The following TAP2 variants were observed in gnomAD, a reference collection of about 807,000 sequenced individuals.
TAP2 encodes transporter 2, ATP binding cassette subfamily B member, also known as antigen peptide transporter 2.
TAP2 carries 49 observed loss-of-function variants against 74.7 expected under a neutral mutation model. The ratio of observed to expected loss-of-function variants is 0.66; its 90% confidence interval spans 0.52 to 0.83. The LOEUF is 0.83. Among genes scored for constraint, TAP2 ranks in the 40% least tolerant of loss-of-function variants. The pLI, the probability that TAP2 is intolerant of heterozygous loss-of-function variation, is 0.00. For missense variants in TAP2, 739 were observed against 859.0 expected, an observed-to-expected ratio of 0.86 and a Z score of 1.75; for synonymous variants, 306 against 368.4, an observed-to-expected ratio of 0.83 and a Z score of 1.94.
Position 32,828,821 on chromosome 6 carries a change from G to T in TAP2, c.*85C>A. On this transcript the variant is annotated 3_prime_UTR_variant, in exon 12 of 12. Coordinates refer to ENST00000374897, the MANE Select transcript of TAP2 (RefSeq NM_001290043.2). ...AGGAACAGCTCTGGGTCCTGGAGAC[G>T]CCCCTGAGAAGAGGGCCCAGTATCC... 1 of 1,486,372 alleles carries T rather than the reference G, an allele frequency of 6.7e-7. No homozygotes were observed. The highest frequency in any genetic ancestry group is 9.0e-7 in the Non-Finnish European group (1 of 1,112,592). The allele number at this position is 1,486,372 out of a possible 1,614,324, so 92.1% of individuals were successfully genotyped here.
Position 32,828,963 on chromosome 6 carries a change from G to A in TAP2, c.2004C>T (p.Arg668=), listed in dbSNP as rs761138014. The A allele has an allele frequency of 4.7e-5, 73 of 1,548,426 alleles. No individual in the cohort carries two copies. The highest frequency in any genetic ancestry group is 3.6e-4 in the South Asian group (30 of 83,584). ...VIAHRLQTVQ[R]AHQILVLQEG... is the part of the protein sequence containing the mutation. ...CCTGGAGCACCAGGATCTGGTGGGC[G>A]CGCTGAACTGTCTGCAGCCTGTGAG... The change falls in exon 12 of 12, where the codon CGC becomes CGT. Residue 668 remains arginine, a synonymous_variant. Transcript: ENST00000374897.
rs1768686008 is a variant in TAP2, at chr6:32,826,883, G to A, written c.*2023C>T. ...GAGGGCTGCAGCTTCCATGTAGTTGGGAGATACAGGAATTATTATTCCTGT... is the reference window on the plus strand; with the variant it reads ...GAGGGCTGCAGCTTCCATGTAGTTGAGAGATACAGGAATTATTATTCCTGT... On this transcript the variant is annotated 3_prime_UTR_variant, in exon 12 of 12. Transcript: ENST00000374897. The A allele has an allele frequency of 1.0e-6, 1 of 985,402 alleles. No individual in the cohort carries two copies. Among genetic ancestry groups the A allele is most frequent in the Non-Finnish European group, 1.2e-6 (1 of 829,904 alleles). 61.0% of individuals were successfully genotyped at this position (985,402 alleles called of 1,614,324 possible).
Position 32,828,990 on chromosome 6 carries a change from A to G in TAP2, c.1977T>C (p.Ile659=). 6.4e-7 allele frequency: 1 copy of G among 1,551,212 alleles called. No homozygotes were observed. Among genetic ancestry groups the G allele is most frequent in the Non-Finnish European group, 8.7e-7 (1 of 1,147,772 alleles). ...NSRGDRTVLV[I]AHRLQTVQRA... is the part of the protein sequence containing the mutation. Reference sequence around the variant, plus strand: ...GCTGAACTGTCTGCAGCCTGTGAGCAATCACCAGCACTGTGCGATCCCCAC... The same window carrying G: ...GCTGAACTGTCTGCAGCCTGTGAGCGATCACCAGCACTGTGCGATCCCCAC... The change falls in exon 12 of 12, where the codon ATT becomes ATC. Residue 659 remains isoleucine (I), a synonymous_variant. Transcript: ENST00000374897.
chr6:32,822,206 C>A, downstream of TAP2: 1 of 1,181,292 alleles, frequency 8.5e-7, no homozygotes, highest in East Asian at 2.4e-5. Context: ...TCACCTCATC[C>A]TGAAAAAATA....
In TAP2 at chr6:32,826,820, G is replaced by A; in HGVS notation, c.*2086C>T. 1 of 985,406 alleles carries A rather than the reference G, an allele frequency of 1.0e-6. No homozygotes were observed. The highest frequency in any genetic ancestry group is 1.2e-6 in the Non-Finnish European group (1 of 829,934). 61.0% of individuals were successfully genotyped at this position (985,406 alleles called of 1,614,324 possible). A position where few individuals can be genotyped will look rare whatever the true frequency, so the allele number is the denominator to read the frequency against. On this transcript the variant is annotated 3_prime_UTR_variant, in exon 12 of 12. Coordinates refer to ENST00000374897, the MANE Select transcript of TAP2 (RefSeq NM_001290043.2). The stretch of plus-strand genomic sequence containing the variant: ...TATGATGCATGGGTATAACTGTACT[G>A]AGGAAATCAAAGAATTTCTCAGATC...
Position 32,835,531 on chromosome 6 carries a change from C to A in TAP2, c.739+112G>T. 6.5e-7 allele frequency: 1 copy of A among 1,538,680 alleles called. No homozygotes were observed. Among genetic ancestry groups the A allele is most frequent in the African/African-American group, 1.4e-5 (1 of 73,468 alleles). On this transcript the variant is annotated intron_variant, in intron 4 of 11. Transcript: ENST00000374897. This position sits in a 1 kb window ranked among gnomAD's most constrained non-coding sequence, Gnocchi z 4.0. The stretch of plus-strand genomic sequence containing the variant: ...CACCCTGTCCCAAACAAGAGAAAAG[C>A]ATCCCCAAGTCCTGGCATACGGGTG...
Position 32,837,868 on chromosome 6 carries a change from A to C in TAP2, c.366T>G (p.Pro122=). ...SWSLWAVLSP[P]GAQEKEQDQV... ...GGTCCTGCTCCTTCTCCTGGGCTCC[A>C]GGAGGGCTCAGAACAGCCCACAGTG... Residue 122 remains proline, a synonymous_variant, in exon 2 of 12, where the codon CCT becomes CCG. Transcript: ENST00000374897. 1 of 1,612,578 alleles carries C rather than the reference A, an allele frequency of 6.2e-7. No individual in the cohort carries two copies. The highest frequency in any genetic ancestry group is 8.5e-7 in the Non-Finnish European group (1 of 1,179,802).
chr6:32,832,333 C>G lies in TAP2; in HGVS notation c.1272G>C (p.Gln424His). Reference protein sequence around the residue: ...IYQESVGSYVQTLVYIYGDML... With the variant: ...IYQESVGSYVHTLVYIYGDML... ...AGAGCAGGCTTGGCTTCTCGCTCAC[C>G]TGCACATAGCTCCCCACGCTCTCCT... Residue 424 changes from glutamine (Q) to histidine (H), a missense_variant and splice_region_variant, in exon 7 of 12, where the codon CAG (glutamine) becomes CAC (histidine). By Grantham distance (24) the Gln-to-His change is conservative (BLOSUM62 0). Transcript: ENST00000374897. This position sits in a 1 kb window ranked among gnomAD's most constrained non-coding sequence, Gnocchi z 5.9. 1 of 1,613,038 alleles carries G rather than the reference C, an allele frequency of 6.2e-7. No individual in the cohort carries two copies. Among genetic ancestry groups the G allele is most frequent in the Non-Finnish European group, 8.5e-7 (1 of 1,180,028 alleles).
At chr6:32,836,507 G>A (rs3819716) in intron 3 of TAP2, among the ~76,000 whole-genome samples, 78,884 of 152,014 alleles carry the variant, frequency 0.52, 20,636 homozygotes, top group South Asian at 0.54. Context: ...GAAATGTGTC[G>A]TTAGATGGTT....
chr6:32,829,654 G>A, intron 10 of TAP2, 118 bp from the exon 11 acceptor site: 1 of 1,493,658 alleles, frequency 6.7e-7, no homozygotes, highest in Non-Finnish European at 9.2e-7. Flanking sequence ...AGGGCCCAGT[G>A]CGGGGAGGGC....
At position 32,825,694 on chromosome 6, in the gene TAP2, T is replaced by C. The variant is rs1768601778; in HGVS notation, c.*3212A>G. 6.6e-6 allele frequency: 1 copy of C among 151,304 alleles called. No homozygotes were observed. Among genetic ancestry groups the C allele is most frequent in the African/African-American group, 2.5e-5 (1 of 40,722 alleles). The allele number at this position is 151,304 out of a possible 1,614,324, so 9.4% of individuals were successfully genotyped here. A position where few individuals can be genotyped will look rare whatever the true frequency, so the allele number is the denominator to read the frequency against. On this transcript the variant is annotated 3_prime_UTR_variant, in exon 12 of 12. Coordinates refer to ENST00000374897, the MANE Select transcript of TAP2 (RefSeq NM_001290043.2). ...AAACCACATTCATATATTGCTTATT[T>C]AAATAAATAAATAATATATTTTAAA...
intron 2 of TAP2, 42 bp from the exon 3 acceptor site, chr6:32,837,693 C>A: frequency 2.5e-6 from 4 of 1,613,710 alleles, no homozygotes; most frequent in Non-Finnish European, 3.4e-6. Flanking sequence ...GTGCTGGTGC[C>A]CAGGCCCTTT....
rs534791007 is a variant in TAP2, at chr6:32,826,924, C to T, written c.*1982G>A. On this transcript the variant is annotated 3_prime_UTR_variant, in exon 12 of 12. Coordinates refer to ENST00000374897, the MANE Select transcript of TAP2 (RefSeq NM_001290043.2). Reference sequence around the variant, plus strand: ...TTATTCCTGTTTTATGAATAAAGGACATTTGTGGGAGAGAAAGGAATCAGG... The same window carrying T: ...TTATTCCTGTTTTATGAATAAAGGATATTTGTGGGAGAGAAAGGAATCAGG... 1 of 985,320 alleles carries T rather than the reference C, an allele frequency of 1.0e-6. No individual in the cohort carries two copies. The highest frequency in any genetic ancestry group is 1.1e-4 in the East Asian group (1 of 8,818). The allele number at this position is 985,320 out of a possible 1,614,324, so 61.0% of individuals were successfully genotyped here.
chr6:32,834,109 GC>G (rs1348238592), intron 5 of TAP2, among the ~76,000 whole-genome samples: 2 of 152,136 alleles, frequency 1.3e-5, no homozygotes, highest in African/African-American at 4.8e-5. Flanking sequence ...AAATAGAATT[GC>G]CATATGATCC....
intron 11 of TAP2, 104 bp from the exon 12 acceptor site, chr6:32,829,138 A>G (rs1399485096): frequency 1.3e-5 from 19 of 1,508,288 alleles, no homozygotes; most frequent in Non-Finnish European, 1.7e-5. Context: ...GTGTGAAATA[A>G]AAGAAGGTAG....
intron 5 of TAP2, among the ~76,000 whole-genome samples, chr6:32,834,023 G>A (rs1769256473): frequency 6.6e-6 from 1 of 152,178 alleles, no homozygotes. Context: ...TCTTTCTTTT[G>A]TAAATTGCCC....
chr6:32,828,658 T>C lies in TAP2; in HGVS notation c.*248A>G, dbSNP rs1255626408. ...AAGCTCTAGTCACCAGGGAATTAAG[T>C]TTCCTGGACACAGACAGCCCCCACC... On this transcript the variant is annotated 3_prime_UTR_variant, in exon 12 of 12. Transcript: ENST00000374897. 1 of 1,215,616 alleles carries C rather than the reference T, an allele frequency of 8.2e-7. No homozygotes were observed. Among genetic ancestry groups the C allele is most frequent in the Non-Finnish European group, 1.0e-6 (1 of 971,982 alleles). The allele number at this position is 1,215,616 out of a possible 1,614,324, so 75.3% of individuals were successfully genotyped here. A position where few individuals can be genotyped will look rare whatever the true frequency, so the allele number is the denominator to read the frequency against.
chr6:32,828,521 G>C lies in TAP2; in HGVS notation c.*385C>G. On this transcript the variant is annotated 3_prime_UTR_variant, in exon 12 of 12. Coordinates refer to ENST00000374897, the MANE Select transcript of TAP2 (RefSeq NM_001290043.2). ...ATGGGTACTTTTACTTTTCTTCTTT[G>C]TACTTTTTTATATTGTCTAAATTTT... 1.0e-6 allele frequency: 1 copy of C among 976,848 alleles called. No homozygotes were observed. The highest frequency in any genetic ancestry group is 4.8e-5 in the South Asian group (1 of 21,032). 60.5% of individuals were successfully genotyped at this position (976,848 alleles called of 1,614,324 possible).
chr6:32,835,233 G>A lies in TAP2; in HGVS notation c.866C>T (p.Ser289Leu), dbSNP rs145822869. ...CAGAGAAAGGAGGGTGAGTCGAGGC[G>A]ATATGCTGAGCATGAAGCCATACAG... is the stretch of plus-strand genomic sequence containing the variant. The part of the protein sequence containing the change: ...VGLYGFMLSI[S>L]PRLTLLSLLH... The change falls in exon 5 of 12, where the codon TCG becomes TTG. Residue 289 changes from serine (S) to leucine (L), a missense_variant. Ser to Leu is a moderately radical substitution (Grantham distance 145). Transcript: ENST00000374897. This position sits in a 1 kb window ranked among gnomAD's most constrained non-coding sequence, Gnocchi z 4.0. The A allele has an allele frequency of 5.0e-6, 8 of 1,613,050 alleles. No homozygotes were observed. The highest frequency in any genetic ancestry group is 4.5e-5 in the East Asian group (2 of 44,890).
Sources: allele counts gnomAD v4.1 joint callset (sites outside exome capture counted in the v4.1 genomes callset), GRCh38; gene constraint gnomAD v4.1.1; non-coding constraint Gnocchi (gnomAD v3.1); transcripts MANE v1.5; gene names NCBI Gene and HGNC (gene_info 2026-07-23, HGNC 2026-07-21).